Variants in ADAM10 observed in about 807,000 individuals in gnomAD.
ADAM10 encodes the protein disintegrin and metalloproteinase domain-containing protein 10.
Under a neutral mutation model 90.1 loss-of-function variants are expected in ADAM10, and 17 were observed. That is an observed-to-expected ratio of 0.19 (90% CI 0.13 to 0.28). The LOEUF (loss-of-function observed/expected upper bound fraction) is 0.28, where lower values mean the gene tolerates loss of function less well. ADAM10 is among the 10% of genes least tolerant of loss of function. The pLI, the probability that ADAM10 is intolerant of heterozygous loss-of-function variation, is 1.00. For synonymous variants in ADAM10, 310 were observed against 298.6 expected, an observed-to-expected ratio of 1.04 and a Z score of -0.40; for missense variants, 610 against 914.3, an observed-to-expected ratio of 0.67 and a Z score of 4.29.
intron 2 of ADAM10, among the ~76,000 whole-genome samples, chr15:58,711,424 A>C (rs1477966031): frequency 1.3e-5 from 2 of 152,216 alleles, no homozygotes; most frequent in Admixed American, 6.5e-5. Context: ...GGTTTTACTA[A>C]TGAGGAAACT....
intron 4 of ADAM10, among the ~76,000 whole-genome samples, chr15:58,669,218 A>G (rs1328965636): frequency 6.6e-6 from 1 of 152,204 alleles, no homozygotes; most frequent in Non-Finnish European, 1.5e-5. Flanking sequence ...ATGGCATTTA[A>G]GTACCAACTT....
intron 2 of ADAM10, among the ~76,000 whole-genome samples, chr15:58,700,290 T>C (rs1263960910): frequency 6.6e-6 from 1 of 152,206 alleles, no homozygotes; most frequent in African/African-American, 2.4e-5. Context: ...GTACACAACA[T>C]TCTTCTCATC....
intron 1 of ADAM10, chr15:58,732,708 CAA>C (rs35121031): frequency 3.0e-4 from 26 of 86,970 alleles, no homozygotes; most frequent in South Asian, 7.6e-4. Context: ...GACTCCATCT[CAA>C]AAAAAAAAAA....
chr15:58,721,057 T>G (rs1898835247), intron 1 of ADAM10, among the ~76,000 whole-genome samples: 1 of 152,230 alleles, frequency 6.6e-6, no homozygotes, highest in Admixed American at 6.5e-5. Context: ...GATAAAGTAT[T>G]CTGTCACTTT....
chr15:58,621,417 C>T, intron 11 of ADAM10, 54 bp downstream of exon 11: 1 of 1,601,816 alleles, frequency 6.2e-7, no homozygotes, highest in Non-Finnish European at 8.6e-7. Context: ...TTTGTCATAA[C>T]TGCATTGAGG....
intron 11 of ADAM10, among the ~76,000 whole-genome samples, chr15:58,619,310 GT>G (rs1449615888): frequency 6.6e-6 from 1 of 152,162 alleles, no homozygotes; most frequent in Non-Finnish European, 1.5e-5. Flanking sequence ...GAGTAGAATG[GT>G]GTTACAAGAG....
At chr15:58,671,176 C>T (rs745787520) in intron 4 of ADAM10, among the ~76,000 whole-genome samples, 1 of 152,120 alleles carries the variant, frequency 6.6e-6, no homozygotes, top group Non-Finnish European at 1.5e-5. Context: ...GATCTACAAG[C>T]TTGCCTATAA....
rs1179031635 is a variant in ADAM10, at chr15:58,590,492, A to G, written c.*7055T>C. On this transcript the variant is annotated 3_prime_UTR_variant, in exon 16 of 16. Transcript: ENST00000260408. Reference sequence around the variant, plus strand: ...TGCATATCAGCAAATGCATACCATAAAAGCCAAAGAATTTCAAACATGCTC... The same window carrying G: ...TGCATATCAGCAAATGCATACCATAGAAGCCAAAGAATTTCAAACATGCTC... 24 of 152,336 alleles carry G rather than the reference A, an allele frequency of 1.6e-4. No homozygotes were observed. Among genetic ancestry groups the G allele is most frequent in the African/African-American group, 5.5e-4 (23 of 41,578 alleles). 9.4% of individuals were successfully genotyped at this position (152,336 alleles called of 1,614,324 possible). A position where few individuals can be genotyped will look rare whatever the true frequency, so the allele number is the denominator to read the frequency against.
intron 2 of ADAM10, among the ~76,000 whole-genome samples, chr15:58,685,545 A>AAAATAT (rs1897568522): frequency 8.6e-6 from 1 of 116,218 alleles, no homozygotes; most frequent in Admixed American, 9.4e-5. Context: ...TATGAAGGAG[A>AAAATAT]ATATATATAT....
In ADAM10 at chr15:58,610,531, G is replaced by A. The variant is rs779769835; in HGVS notation, c.1805-14C>T. 3 of 1,608,664 alleles carry A rather than the reference G, an allele frequency of 1.9e-6. No individual in the cohort carries two copies. Among genetic ancestry groups the A allele is most frequent in the Non-Finnish European group, 2.6e-6 (3 of 1,175,222 alleles). ...TTGATGGGTCCACTGGAAAAGAAATGCCAAATATAAGCTGAAGGTCAGATT... is the reference window on the plus strand; with the variant it reads ...TTGATGGGTCCACTGGAAAAGAAATACCAAATATAAGCTGAAGGTCAGATT... On this transcript the variant is annotated splice_polypyrimidine_tract_variant and intron_variant, in intron 13 of 15. Transcript: ENST00000260408.
chr15:58,654,967 G>A (rs192317027), intron 5 of ADAM10, among the ~76,000 whole-genome samples: 3 of 152,266 alleles, frequency 2.0e-5, no homozygotes, highest in East Asian at 3.9e-4. Context: ...TGTGTATTCT[G>A]CAGCCATTGG....
chr15:58,673,760 A>G (rs1897251249), intron 4 of ADAM10, among the ~76,000 whole-genome samples: 1 of 150,802 alleles, frequency 6.6e-6, no homozygotes. Context: ...TCTGAGACAG[A>G]GTCTCACTCT....
intron 2 of ADAM10, among the ~76,000 whole-genome samples, chr15:58,710,701 T>C (rs1403374121): frequency 6.8e-6 from 1 of 146,094 alleles, no homozygotes; most frequent in East Asian, 2.6e-4. Context: ...TTGGAAGAGA[T>C]TTAACTACCA....
chr15:58,720,375 T>A (rs1231472772), intron 1 of ADAM10, among the ~76,000 whole-genome samples: 1 of 61,160 alleles, frequency 1.6e-5, no homozygotes, highest in African/African-American at 6.5e-5. Context: ...GAAACTTTTA[T>A]TTTATTTTAT....
At chr15:58,644,448 C>T (rs888351873) in intron 6 of ADAM10, among the ~76,000 whole-genome samples, 1 of 152,032 alleles carries the variant, frequency 6.6e-6, no homozygotes, top group African/African-American at 2.4e-5. Context: ...AGGCTCGTCT[C>T]GAACTCCTGA....
intron 2 of ADAM10, among the ~76,000 whole-genome samples, chr15:58,682,968 C>T (rs1242954982): frequency 6.6e-6 from 1 of 151,964 alleles, no homozygotes; most frequent in Non-Finnish European, 1.5e-5. Context: ...AAAGATATGA[C>T]AAAAATCTAG....
At chr15:58,635,998 C>T (rs1425897779) in intron 8 of ADAM10, among the ~76,000 whole-genome samples, 5 of 152,012 alleles carry the variant, frequency 3.3e-5, no homozygotes, top group Admixed American at 1.3e-4. Context: ...TTAAAATGGC[C>T]GGGCGCAGTG....
At chr15:58,727,512 T>G (rs544289519) in intron 1 of ADAM10, among the ~76,000 whole-genome samples, 4 of 152,190 alleles carry the variant, frequency 2.6e-5, no homozygotes, top group Admixed American at 1.3e-4. Context: ...TCTTATTTTT[T>G]GTAGAAATGG....
intron 2 of ADAM10, among the ~76,000 whole-genome samples, chr15:58,687,615 T>A (rs1897640549): frequency 1.3e-5 from 2 of 149,930 alleles, no homozygotes; most frequent in Non-Finnish European, 1.5e-5. Flanking sequence ...GTCAAGCTGA[T>A]CCACAAGTTA....
Sources: allele counts gnomAD v4.1 joint callset (sites outside exome capture counted in the v4.1 genomes callset), GRCh38; gene constraint gnomAD v4.1.1; transcripts MANE v1.5; gene names NCBI Gene and HGNC (gene_info 2026-07-23, HGNC 2026-07-21).